The following MYO3A variants were observed in gnomAD, a reference collection of about 807,000 sequenced individuals.
MYO3A encodes myosin-IIIa.
MYO3A carries 180 observed loss-of-function variants against 192.7 expected under a neutral mutation model. The ratio of observed to expected loss-of-function variants is 0.93; its 90% confidence interval spans 0.83 to 1.06. The LOEUF (loss-of-function observed/expected upper bound fraction) is 1.06, where lower values mean the gene tolerates loss of function less well. MYO3A is among the 50% of genes least tolerant of loss of function. MYO3A has a pLI of 0.00. For synonymous variants in MYO3A, 628 were observed against 645.3 expected (o/e 0.97, Z 0.41); for missense variants, 1,896 against 1,905.0 (o/e 1.00, Z 0.09).
At chr10:26,193,424 T>TG (rs1176522146) in intron 32 of MYO3A, 113 bp downstream of exon 32, 2 of 867,034 alleles carry the variant, frequency 2.3e-6, no homozygotes, top group African/African-American at 3.4e-5. Context: ...AGGACAGAGA[T>TG]GCGCTTGGTC....
rs200667792 is a variant in MYO3A at position 26,064,009 on chromosome 10, T to TG, written c.954-2965dup. Among the ~76,000 whole-genome samples the TG allele has an allele frequency of 1.6e-4, 24 of 152,344 alleles. No individual in the cohort carries two copies. In the East Asian group the frequency reaches 4.1e-3, roughly 26 times the overall value. ...ACAGCAGTGAACAATACAGGTACTC[T>TG]GTCTTACTAGTACCATAAAATCTAG... On this transcript the variant is annotated intron_variant, in intron 10 of 34. Transcript: ENST00000642920.
At chr10:26,175,832 A>G (rs1326109716) in intron 30 of MYO3A, among the ~76,000 whole-genome samples, 1 of 152,214 alleles carries the variant, frequency 6.6e-6, no homozygotes, top group African/African-American at 2.4e-5. Context: ...AATGCCATGG[A>G]GTAAATTCAC....
rs753357658 is a variant in MYO3A at position 26,125,583 on chromosome 10, T to G, written c.2089T>G (p.Leu697Val). ...TTGGATAGTCAATTGCATTAACAGT[T>G]TGTTGAAGCATGACTCATCACCAAG... ...FSWIVNCINS[L>V]LKHDSSPSGN... Residue 697 changes from leucine to valine, a missense_variant, in exon 19 of 35, where the codon TTG becomes GTG. Coordinates refer to ENST00000642920, the MANE Select transcript of MYO3A (RefSeq NM_017433.5). The G allele has an allele frequency of 1.5e-5, 24 of 1,613,852 alleles. No homozygotes were observed. The highest frequency in any genetic ancestry group is 1.9e-5 in the Non-Finnish European group (23 of 1,179,862).
chr10:26,179,301 C>T (rs1053667032), intron 31 of MYO3A, among the ~76,000 whole-genome samples: 4 of 151,570 alleles, frequency 2.6e-5, no homozygotes, highest in African/African-American at 9.7e-5. Flanking sequence ...CTGGGTTTTA[C>T]CATGTTGGCC....
intron 31 of MYO3A, among the ~76,000 whole-genome samples, chr10:26,178,843 C>T (rs549665832): frequency 4.6e-5 from 7 of 151,390 alleles, no homozygotes; most frequent in Non-Finnish European, 8.8e-5. Context: ...GCTCTGTCAC[C>T]CAGGCTGTAG....
chr10:26,211,712 G>A, intron 34 of MYO3A, 131 bp from the exon 35 acceptor site: 1 of 1,410,556 alleles, frequency 7.1e-7, no homozygotes, highest in Non-Finnish European at 9.7e-7. Context: ...CAGTCGTTTC[G>A]ATTGTGCCTT....
At chr10:26,202,699 A>T (rs1452827235) in intron 33 of MYO3A, 2 of 400,050 alleles carry the variant, frequency 5.0e-6, no homozygotes, top group African/African-American at 2.0e-5. Context: ...AGTAACCACT[A>T]GTTTGGTGCC....
At chr10:25,954,062 A>G (rs1397297277) in intron 3 of MYO3A, among the ~76,000 whole-genome samples, 1 of 152,132 alleles carries the variant, frequency 6.6e-6, no homozygotes, top group Non-Finnish European at 1.5e-5. Context: ...CTCGGAGTCT[A>G]TATCTGGATT....
At chr10:26,203,845 G>C (rs1035639734) in intron 34 of MYO3A, among the ~76,000 whole-genome samples, 8 of 152,186 alleles carry the variant, frequency 5.3e-5, no homozygotes, top group Non-Finnish European at 1.2e-4. Flanking sequence ...GTTAAGAAAA[G>C]AAGTTTTAGA....
chr10:26,016,877 C>T lies in MYO3A; in HGVS notation c.566C>T (p.Pro189Leu), dbSNP rs1179049652. The T allele has an allele frequency of 7.4e-6, 12 of 1,614,150 alleles. No homozygotes were observed. The highest frequency in any genetic ancestry group is 2.2e-5 in the East Asian group (1 of 44,880). Residue 189 changes from proline (P) to leucine (L), a missense_variant, in exon 7 of 35, where the codon CCG becomes CTG. Physicochemically the swap from Pro to Leu is moderately conservative, Grantham distance 98. Transcript: ENST00000642920. The stretch of plus-strand genomic sequence containing the variant: ...CGTCGGAACACATCCGTAGGAACAC[C>T]GTTTTGGATGGCTCCTGAGGTCAGA... ...RHRRNTSVGT[P>L]FWMAPEVIAC... is the part of the protein sequence containing the mutation.
rs1265874854 is a variant in MYO3A, at chr10:26,143,565, A to G, written c.2380A>G (p.Ser794Gly). Residue 794 changes from serine to glycine, a missense_variant, in exon 21 of 35, where the codon AGT becomes GGT. By Grantham distance (56) the Ser-to-Gly change is moderately conservative (BLOSUM62 0). Coordinates refer to ENST00000642920, the MANE Select transcript of MYO3A (RefSeq NM_017433.5). ...TTTACTTTCCCTACTTGATGAAGAAAGTAGATTTCCCAAGGCCACTGACCA... is the reference window on the plus strand; with the variant it reads ...TTTACTTTCCCTACTTGATGAAGAAGGTAGATTTCCCAAGGCCACTGACCA... ...MGLLSLLDEESRFPKATDQTL... is the reference protein window; with the variant it reads ...MGLLSLLDEEGRFPKATDQTL... The G allele has an allele frequency of 5.6e-6, 9 of 1,614,104 alleles. 1 individual carries two copies. The highest frequency in any genetic ancestry group is 6.8e-6 in the Non-Finnish European group (8 of 1,179,976).
chr10:25,985,862 A>G (rs1469139322), intron 4 of MYO3A, among the ~76,000 whole-genome samples: 1 of 152,202 alleles, frequency 6.6e-6, no homozygotes, highest in Non-Finnish European at 1.5e-5. Context: ...GTATCACCCT[A>G]ATACCAAAAC....
intron 14 of MYO3A, among the ~76,000 whole-genome samples, chr10:26,078,075 A>C (rs2368121): frequency 0.69 from 104,421 of 150,856 alleles, 36,284 homozygotes; most frequent in Middle Eastern, 0.76. Flanking sequence ...AAGGTTAGTA[A>C]CAATTCTTCT....
In MYO3A at chr10:26,202,886, G is replaced by GA. The variant is rs890421421; in HGVS notation, c.4587-70dup. The GA allele has an allele frequency of 9.7e-5, 145 of 1,492,574 alleles. 1 individual carries two copies. In the East Asian group the frequency reaches 2.3e-3, roughly 24 times the overall value. 92.5% of individuals were successfully genotyped at this position (1,492,574 alleles called of 1,614,324 possible). A position where few individuals can be genotyped will look rare whatever the true frequency, so the allele number is the denominator to read the frequency against. On this transcript the variant is annotated intron_variant, in intron 33 of 34. Coordinates refer to ENST00000642920, the MANE Select transcript of MYO3A (RefSeq NM_017433.5). ...CTAAATTATAGTAAATACTTTTAAA[G>GA]AAAAAAAAGTATCCTGTAAGTTTAA...
intron 10 of MYO3A, among the ~76,000 whole-genome samples, chr10:26,061,614 C>G (rs1267737739): frequency 6.6e-6 from 1 of 152,040 alleles, no homozygotes; most frequent in Non-Finnish European, 1.5e-5. Flanking sequence ...GAAATCCATG[C>G]CAAGAAAGTT....
At chr10:26,198,066 TTG>T (rs1446391796) in intron 32 of MYO3A, among the ~76,000 whole-genome samples, 1 of 152,234 alleles carries the variant, frequency 6.6e-6, no homozygotes, top group East Asian at 1.9e-4. Context: ...GGCTGTTGAG[TTG>T]TAGAAAATTA....
chr10:25,989,200 C>T (rs1466894826), intron 4 of MYO3A, among the ~76,000 whole-genome samples: 1 of 151,354 alleles, frequency 6.6e-6, no homozygotes, highest in Non-Finnish European at 1.5e-5. Context: ...TTCACCTTGG[C>T]CTGCTAAAGG....
intron 23 of MYO3A, among the ~76,000 whole-genome samples, chr10:26,151,726 G>A (rs1459348041): frequency 6.6e-6 from 1 of 152,030 alleles, no homozygotes; most frequent in Non-Finnish European, 1.5e-5. Context: ...GTTTTCTGTT[G>A]GTTATATTGG....
chr10:26,002,497 A>G (rs1270368285), intron 6 of MYO3A, among the ~76,000 whole-genome samples: 1 of 152,128 alleles, frequency 6.6e-6, no homozygotes, highest in Non-Finnish European at 1.5e-5. Flanking sequence ...AGGCTAAACT[A>G]ATTCTGATTG....
Sources: gnomAD v4.1 joint callset for allele counts (sites outside exome capture counted in the v4.1 genomes callset) on GRCh38, gnomAD v4.1.1 for gene constraint, MANE v1.5 for transcripts, NCBI Gene and HGNC (gene_info 2026-07-23, HGNC 2026-07-21) for gene names.